Variants in TMEM14A observed in about 807,000 individuals in gnomAD.
TMEM14A encodes the protein transmembrane protein 14A.
In TMEM14A, 8 loss-of-function variants were observed where a neutral mutation model predicts 11.6. The ratio of observed to expected loss-of-function variants is 0.69; its 90% CI spans 0.40 to 1.24. The LOEUF (loss-of-function observed/expected upper bound fraction) is 1.24, where lower values mean the gene tolerates loss of function less well. Among genes scored for constraint, TMEM14A ranks in the 50% most tolerant of loss-of-function variants. The pLI is 0.01. For synonymous variants in TMEM14A, 34 were observed against 45.5 expected, an observed-to-expected ratio of 0.75 and a Z score of 1.02; for missense variants, 108 against 121.9, an observed-to-expected ratio of 0.89 and a Z score of 0.54.
At chr6:52,672,256 G>A (rs1454197807) in intron 1 of TMEM14A, among the ~76,000 whole-genome samples, 3 of 151,914 alleles carry the variant, frequency 2.0e-5, no homozygotes, top group Non-Finnish European at 4.4e-5. Flanking sequence ...TTGCCCTCAA[G>A]GAGCTTGGCT....
At chr6:52,683,969 T>C (rs1769443977) in intron 3 of TMEM14A, 109 bp from the exon 4 acceptor site, 1 of 997,966 alleles carries the variant, frequency 1.0e-6, no homozygotes, top group Non-Finnish European at 1.5e-6. Flanking sequence ...ACTCAGTACC[T>C]ATCCATAATA....
intron 2 of TMEM14A, among the ~76,000 whole-genome samples, chr6:52,680,413 A>G (rs1769342580): frequency 6.6e-6 from 1 of 151,154 alleles, no homozygotes; most frequent in Non-Finnish European, 1.5e-5. Context: ...AGCAAACTGG[A>G]TTATTTTTCC....
At chr6:52,679,417 G>A in intron 2 of TMEM14A, among the ~76,000 whole-genome samples, 1 of 152,148 alleles carries the variant, frequency 6.6e-6, no homozygotes, top group Admixed American at 6.5e-5. Flanking sequence ...CCAGTTGAAG[G>A]GAAGGGCACT....
chr6:52,680,525 G>C (rs1384766161), intron 2 of TMEM14A, among the ~76,000 whole-genome samples: 1 of 143,700 alleles, frequency 7.0e-6, no homozygotes, highest in Non-Finnish European at 1.5e-5. Context: ...ATAGCTTTTG[G>C]GGGAAACAAT....
At chr6:52,678,525 A>G (rs767764855) in intron 2 of TMEM14A, among the ~76,000 whole-genome samples, 1 of 152,086 alleles carries the variant, frequency 6.6e-6, no homozygotes, top group Admixed American at 6.5e-5. Flanking sequence ...GCCCCCTACT[A>G]AGTGATCCTG....
intron 1 of TMEM14A, among the ~76,000 whole-genome samples, chr6:52,676,810 G>C (rs1210309512): frequency 6.6e-6 from 1 of 152,182 alleles, no homozygotes; most frequent in Admixed American, 6.5e-5. Flanking sequence ...GGGAGAGCAC[G>C]TGAAGGGGGA....
At chr6:52,675,466 GGAGGGGCATGGTCT>G (rs1451330511) in intron 1 of TMEM14A, among the ~76,000 whole-genome samples, 2 of 152,196 alleles carry the variant, frequency 1.3e-5, no homozygotes, top group Admixed American at 1.3e-4. Flanking sequence ...TGAGGGTGAG[GGAGGGGCATGGTCT>G]GAGGCCCAGT....
intron 2 of TMEM14A, among the ~76,000 whole-genome samples, chr6:52,680,328 GTA>G (rs1769340636): frequency 6.6e-6 from 1 of 151,728 alleles, no homozygotes; most frequent in African/African-American, 2.4e-5. Context: ...ACAAGGAACA[GTA>G]TGTCTGAAAG....
chr6:52,678,980 C>A (rs1399504494), intron 2 of TMEM14A, among the ~76,000 whole-genome samples: 1 of 152,108 alleles, frequency 6.6e-6, no homozygotes, highest in African/African-American at 2.4e-5. Flanking sequence ...AGGTATGAGT[C>A]CTATGTAGCT....
At chr6:52,682,783 G>A (rs908651966) in intron 3 of TMEM14A, among the ~76,000 whole-genome samples, 2 of 152,048 alleles carry the variant, frequency 1.3e-5, no homozygotes, top group Non-Finnish European at 2.9e-5. Flanking sequence ...TTTGAAAGCT[G>A]TTTTTAAATT....
chr6:52,678,368 TGTGG>T (rs1354665532), intron 2 of TMEM14A, among the ~76,000 whole-genome samples: 24 of 146,810 alleles, frequency 1.6e-4, no homozygotes, highest in African/African-American at 6.1e-4. Flanking sequence ...TGTGTGTGTG[TGTGG>T]AAGGAATCAT....
At chr6:52,682,433 C>T (rs1769407360) in intron 3 of TMEM14A, among the ~76,000 whole-genome samples, 2 of 152,194 alleles carry the variant, frequency 1.3e-5, no homozygotes, top group Admixed American at 1.3e-4. Context: ...GGACACTTGA[C>T]TTTCATCTCA....
At chr6:52,677,620 A>C (rs893068256) in intron 2 of TMEM14A, among the ~76,000 whole-genome samples, 24 of 152,150 alleles carry the variant, frequency 1.6e-4, no homozygotes, top group African/African-American at 5.8e-4. Context: ...GGGGGAAAAA[A>C]ACTCAGGTAA....
chr6:52,679,401 C>T (rs1352812910), intron 2 of TMEM14A, among the ~76,000 whole-genome samples: 2 of 152,210 alleles, frequency 1.3e-5, no homozygotes, highest in East Asian at 3.9e-4. Context: ...CTTACACCTT[C>T]CTACTCCAGT....
intron 2 of TMEM14A, among the ~76,000 whole-genome samples, chr6:52,680,585 T>TATATATATATATATA (rs1561874901): frequency 6.3e-4 from 21 of 33,208 alleles, no homozygotes; most frequent in Non-Finnish European, 1.5e-3. Flanking sequence ...CACTATATAT[T>TATATATATATATATA]TATATATTTA....
At chr6:52,673,259 G>C (rs1050079951) in intron 1 of TMEM14A, among the ~76,000 whole-genome samples, 9 of 152,164 alleles carry the variant, frequency 5.9e-5, no homozygotes, top group African/African-American at 1.9e-4. Flanking sequence ...CCAACCCAGA[G>C]ATTTATTTCT....
chr6:52,676,854 G>A lies in TMEM14A; in HGVS notation c.-16-233G>A, dbSNP rs116419316. Among the ~76,000 whole-genome samples the A allele has an allele frequency of 8.5e-3, 1,290 of 152,228 alleles. 8 individuals carry two copies. The highest frequency in any genetic ancestry group is 0.011 in the Non-Finnish European group (736 of 68,006). On this transcript the variant is annotated intron_variant, in intron 1 of 4. Coordinates refer to ENST00000211314, the MANE Select transcript of TMEM14A (RefSeq NM_014051.4). Reference sequence around the variant, plus strand: ...ACGCTTTCAAACATCCAGATCTTGTGAGAACTTTAGATCATGGAACAGCAC... The same window carrying A: ...ACGCTTTCAAACATCCAGATCTTGTAAGAACTTTAGATCATGGAACAGCAC...
intron 1 of TMEM14A, among the ~76,000 whole-genome samples, chr6:52,674,737 G>A (rs1341632209): frequency 1.3e-5 from 2 of 152,126 alleles, no homozygotes; most frequent in Admixed American, 6.5e-5. Flanking sequence ...GAGCTCTCCT[G>A]TTTTAATTCT....
At chr6:52,680,196 A>G (rs1769338060) in intron 2 of TMEM14A, among the ~76,000 whole-genome samples, 1 of 152,032 alleles carries the variant, frequency 6.6e-6, no homozygotes, top group Non-Finnish European at 1.5e-5. Context: ...GATCAGGAAT[A>G]GCGGAAGACT....
Sources: gnomAD v4.1 joint callset for allele counts (sites outside exome capture counted in the v4.1 genomes callset) on GRCh38, gnomAD v4.1.1 for gene constraint, MANE v1.5 for transcripts, NCBI Gene and HGNC (gene_info 2026-07-23, HGNC 2026-07-21) for gene names.